Variants in STXBP5 observed in about 807,000 individuals in gnomAD.
STXBP5 encodes syntaxin-binding protein 5.
Under a neutral mutation model 152.4 loss-of-function variants are expected in STXBP5, and 50 were observed. The observed-to-expected ratio is 0.33, with a 90% CI of 0.26 to 0.42. The LOEUF (loss-of-function observed/expected upper bound fraction) is 0.42, where lower values mean the gene tolerates loss of function less well. STXBP5 is among the 10% of genes least tolerant of loss of function. The pLI is 1.00. For missense variants in STXBP5, 1,167 were observed against 1,388.6 expected (o/e 0.84, Z 2.54); for synonymous variants, 492 against 494.7 (o/e 0.99, Z 0.07).
intron 21 of STXBP5, among the ~76,000 whole-genome samples, chr6:147,349,806 C>T (rs1784508429): frequency 6.6e-6 from 1 of 152,154 alleles, no homozygotes; most frequent in African/African-American, 2.4e-5. Flanking sequence ...TTCACACCTC[C>T]ACATGTAACA....
intron 16 of STXBP5, among the ~76,000 whole-genome samples, chr6:147,319,828 CTTTTTTTTTTTT>C (rs55948948): frequency 1.1e-4 from 8 of 71,612 alleles, no homozygotes; most frequent in African/African-American, 4.0e-4. Flanking sequence ...TATCTGGATT[CTTTTTTTTTTTT>C]TTTTTTTTTT....
At chr6:147,351,848 A>G (rs994324499) in intron 21 of STXBP5, 1 of 985,260 alleles carries the variant, frequency 1.0e-6, no homozygotes. Context: ...GAAGTCATGT[A>G]TGACTGGATT....
chr6:147,261,944 A>T (rs1207652385), intron 5 of STXBP5, among the ~76,000 whole-genome samples: 1 of 151,954 alleles, frequency 6.6e-6, no homozygotes, highest in African/African-American at 2.4e-5. Context: ...GCTAGAATTC[A>T]GTAAAATAAG....
At chr6:147,259,620 C>G (rs1437556499) in intron 4 of STXBP5, among the ~76,000 whole-genome samples, 1 of 152,050 alleles carries the variant, frequency 6.6e-6, no homozygotes, top group Admixed American at 6.5e-5. Context: ...ATTCTGTATG[C>G]TTTGCCGAGT....
At chr6:147,205,928 G>C in intron 1 of STXBP5, 43 bp from the exon 2 acceptor site, 1 of 1,497,308 alleles carries the variant, frequency 6.7e-7, no homozygotes, top group Middle Eastern at 1.7e-4. Context: ...TTAAAATTTC[G>C]CTTGCTGCCT....
intron 25 of STXBP5, among the ~76,000 whole-genome samples, chr6:147,372,438 T>C (rs1785599919): frequency 1.4e-5 from 1 of 69,758 alleles, no homozygotes; most frequent in Non-Finnish European, 2.6e-5. Context: ...TTTTTTTTTT[T>C]TTTTTTTTTT....
Position 147,204,638 on chromosome 6 carries a change from G to C in STXBP5, c.106G>C (p.Glu36Gln). The change falls in exon 1 of 28, where the codon GAG (glutamate) becomes CAG (glutamine). Residue 36 changes from glutamate to glutamine, a missense_variant. Coordinates refer to ENST00000321680, the MANE Select transcript of STXBP5 (RefSeq NM_001127715.4). The surrounding 1 kb of genome is among the most constrained non-coding windows in gnomAD (Gnocchi z 4.3). ...QQHPPGNREP[E>Q]IQETLQSEHF... ...GCATCCGCCTGGGAACCGGGAGCCG[G>C]AGATCCAGGAAACGCTCCAGTCCGA... 1 of 1,610,700 alleles carries C rather than the reference G, an allele frequency of 6.2e-7. No individual in the cohort carries two copies. The highest frequency in any genetic ancestry group is 8.5e-7 in the Non-Finnish European group (1 of 1,178,296).
chr6:147,373,596 A>G (rs1394384866), intron 25 of STXBP5, 135 bp from the exon 26 acceptor site: 1 of 629,998 alleles, frequency 1.6e-6, no homozygotes, highest in Non-Finnish European at 2.8e-6. Context: ...TGATCGTAGG[A>G]CATGTACTCA....
Position 147,369,881 on chromosome 6 carries a change from A to G in STXBP5, c.3082-3850A>G, listed in dbSNP as rs567585922. ...TTGGAAAACAATTCTGGAGTTTTCT[A>G]AAAAGTTAACATTCATGAACCAAAG... On this transcript the variant is annotated intron_variant, in intron 25 of 27. Transcript: ENST00000321680. Among the ~76,000 whole-genome samples the G allele has an allele frequency of 5.3e-5, 8 of 152,184 alleles. No individual in the cohort carries two copies. The South Asian group carries it at 1.5e-3, about 28-fold the overall frequency.
chr6:147,209,027 G>T (rs1397301149), intron 2 of STXBP5, among the ~76,000 whole-genome samples: 1 of 152,022 alleles, frequency 6.6e-6, no homozygotes, highest in African/African-American at 2.4e-5. Flanking sequence ...TTTTAATAAT[G>T]TTACTGTCTT....
chr6:147,379,282 A>G (rs1785960151), intron 26 of STXBP5, among the ~76,000 whole-genome samples: 1 of 152,106 alleles, frequency 6.6e-6, no homozygotes, highest in South Asian at 2.1e-4. Flanking sequence ...CTATGGGGGA[A>G]GGGAGACATT....
chr6:147,331,805 TAAAAAAAAAAAAA>T (rs758010688), intron 18 of STXBP5, among the ~76,000 whole-genome samples: 1 of 115,410 alleles, frequency 8.7e-6, no homozygotes, highest in African/African-American at 3.1e-5. Context: ...TTCTACCAGT[TAAAAAAAAAAAAA>T]AAAAAAAAAC....
chr6:147,235,392 C>A, intron 3 of STXBP5, 61 bp downstream of exon 3: 1 of 1,360,466 alleles, frequency 7.4e-7, no homozygotes, highest in Non-Finnish European at 1.0e-6. Context: ...TCTAGTCTTT[C>A]AGATTTCTTA....
chr6:147,384,671 C>T (rs1366719378), intron 27 of STXBP5, 43 bp from the exon 28 acceptor site: 2 of 1,568,602 alleles, frequency 1.3e-6, no homozygotes, highest in Non-Finnish European at 1.7e-6. Context: ...TGTTATTGTT[C>T]CGGCATTTTA....
chr6:147,251,702 G>A (rs1276042352), intron 4 of STXBP5, among the ~76,000 whole-genome samples: 1 of 152,248 alleles, frequency 6.6e-6, no homozygotes, highest in Non-Finnish European at 1.5e-5. Context: ...CGGCTCTGAA[G>A]AGAGCAGCAG....
chr6:147,334,164 G>A lies in STXBP5; in HGVS notation c.2088G>A (p.Leu696=). Residue 696 remains leucine, a synonymous_variant, in exon 19 of 28, where the codon CTG becomes CTA. Coordinates refer to ENST00000321680, the MANE Select transcript of STXBP5 (RefSeq NM_001127715.4). ...TTTGTTTTTGTTTTGTAGCCGGTCT[G>A]TGTGATATTAGTGAAGGGACTGTTG... ...RKSRQPSGAG[L]CDISEGTVVP... 6.2e-7 allele frequency: 1 copy of A among 1,612,854 alleles called. No individual in the cohort carries two copies. The highest frequency in any genetic ancestry group is 8.5e-7 in the Non-Finnish European group (1 of 1,179,574).
intron 16 of STXBP5, among the ~76,000 whole-genome samples, chr6:147,322,012 A>G (rs910173276): frequency 1.3e-5 from 2 of 152,200 alleles, no homozygotes; most frequent in African/African-American, 4.8e-5. Flanking sequence ...TAAGAATTCC[A>G]TGAGTTCTGT....
At chr6:147,281,082 A>G (rs991674991) in intron 8 of STXBP5, among the ~76,000 whole-genome samples, 2 of 152,180 alleles carry the variant, frequency 1.3e-5, no homozygotes, top group Non-Finnish European at 2.9e-5. Flanking sequence ...TGTTGACTCT[A>G]CAACTGAATT....
chr6:147,353,723 A>G (rs1784693547), intron 22 of STXBP5, among the ~76,000 whole-genome samples: 2 of 152,148 alleles, frequency 1.3e-5, no homozygotes, highest in Non-Finnish European at 2.9e-5. Flanking sequence ...GAACTTTATA[A>G]AATTATTTTT....
Sources: allele counts gnomAD v4.1 joint callset (sites outside exome capture counted in the v4.1 genomes callset), GRCh38; gene constraint gnomAD v4.1.1; non-coding constraint Gnocchi (gnomAD v3.1); transcripts MANE v1.5; gene names NCBI Gene and HGNC (gene_info 2026-07-23, HGNC 2026-07-21).